The following SERGEF variants were observed in gnomAD, a reference collection of about 807,000 sequenced individuals.
The protein encoded by SERGEF is secretion-regulating guanine nucleotide exchange factor.
Under a neutral mutation model 50.0 loss-of-function variants are expected in SERGEF, and 51 were observed. That is an observed-to-expected ratio of 1.02 (90% CI 0.81 to 1.29). SERGEF has a LOEUF of 1.29. Among genes scored for constraint, SERGEF ranks in the 50% most tolerant of loss-of-function variants. The pLI is 0.00. For missense variants in SERGEF, 521 were observed against 557.0 expected (o/e 0.94, Z 0.65); for synonymous variants, 205 against 212.4 (o/e 0.97, Z 0.30).
intron 8 of SERGEF, among the ~76,000 whole-genome samples, chr11:17,969,735 G>T (rs1030679061): frequency 6.6e-6 from 1 of 152,198 alleles, no homozygotes; most frequent in African/African-American, 2.4e-5. Flanking sequence ...ACAACAAGCT[G>T]TAAGTCCTTG....
At chr11:17,913,263 C>T (rs1851987149) in intron 9 of SERGEF, among the ~76,000 whole-genome samples, 1 of 152,202 alleles carries the variant, frequency 6.6e-6, no homozygotes, top group African/African-American at 2.4e-5. Context: ...TTTCTTCCAG[C>T]CCCACACACA....
At chr11:18,003,512 C>T (rs192624987) in intron 4 of SERGEF, among the ~76,000 whole-genome samples, 21 of 152,284 alleles carry the variant, frequency 1.4e-4, no homozygotes, top group Admixed American at 9.8e-4. Flanking sequence ...AGACTTAGTA[C>T]AAAATCAGTA....
intron 9 of SERGEF, among the ~76,000 whole-genome samples, chr11:17,909,245 C>T (rs908012902): frequency 1.3e-5 from 2 of 152,208 alleles, no homozygotes; most frequent in African/African-American, 4.8e-5. Flanking sequence ...TTTCACAGAA[C>T]TATTTAAAGA....
chr11:17,824,401 C>T (rs572608933), intron 10 of SERGEF, among the ~76,000 whole-genome samples: 7 of 152,152 alleles, frequency 4.6e-5, no homozygotes, highest in African/African-American at 1.7e-4. Context: ...AAGACAAAGG[C>T]CTATGTTAAG....
intron 8 of SERGEF, among the ~76,000 whole-genome samples, chr11:17,978,623 G>A (rs1439056682): frequency 6.6e-6 from 1 of 152,172 alleles, no homozygotes; most frequent in Non-Finnish European, 1.5e-5. Flanking sequence ...TTGTCCCCTG[G>A]ATCTCCATGG....
chr11:17,906,360 C>A (rs1310363455), intron 9 of SERGEF, among the ~76,000 whole-genome samples: 3 of 152,246 alleles, frequency 2.0e-5, no homozygotes, highest in African/African-American at 2.4e-5. Flanking sequence ...AAGTTTCGGT[C>A]TAAACCAGTC....
At chr11:17,842,164 CT>C (rs1850514564) in intron 10 of SERGEF, among the ~76,000 whole-genome samples, 1 of 151,986 alleles carries the variant, frequency 6.6e-6, no homozygotes. Flanking sequence ...ATCATAGTAT[CT>C]CCAGCTTTTA....
intron 9 of SERGEF, among the ~76,000 whole-genome samples, chr11:17,882,418 CAAAAAAA>C (rs770460948): frequency 1.5e-5 from 1 of 68,198 alleles, no homozygotes; most frequent in African/African-American, 5.3e-5. Context: ...GAGTCAGTCT[CAAAAAAA>C]AAAAAAAAAA....
chr11:17,979,866 C>T (rs1853457279), intron 8 of SERGEF, among the ~76,000 whole-genome samples: 1 of 152,158 alleles, frequency 6.6e-6, no homozygotes, highest in Non-Finnish European at 1.5e-5. Flanking sequence ...TTGAAACCCC[C>T]AGGCAAATCA....
At chr11:18,011,862 C>T (rs1854203839) in intron 1 of SERGEF, among the ~76,000 whole-genome samples, 1 of 152,176 alleles carries the variant, frequency 6.6e-6, no homozygotes, top group South Asian at 2.1e-4. Flanking sequence ...CCGCAGGTCA[C>T]GCCATGCTCT....
intron 9 of SERGEF, among the ~76,000 whole-genome samples, chr11:17,936,573 G>T (rs1002927754): frequency 6.6e-6 from 1 of 151,902 alleles, no homozygotes; most frequent in Admixed American, 6.6e-5. Flanking sequence ...TTCTAATAAA[G>T]AAGGCTGGCC....
intron 2 of SERGEF, among the ~76,000 whole-genome samples, chr11:18,007,092 A>G (rs1292253305): frequency 6.6e-6 from 1 of 152,266 alleles, no homozygotes; most frequent in Non-Finnish European, 1.5e-5. Context: ...CTTTAGGCAC[A>G]GTGTCTAGGG....
intron 7 of SERGEF, among the ~76,000 whole-genome samples, chr11:17,990,212 C>T (rs1853685184): frequency 6.6e-6 from 1 of 152,166 alleles, no homozygotes; most frequent in Non-Finnish European, 1.5e-5. Context: ...TCAGAAGTCT[C>T]CAGTTCAAGT....
chr11:17,934,419 T>C (rs1441612860), intron 9 of SERGEF, among the ~76,000 whole-genome samples: 1 of 152,208 alleles, frequency 6.6e-6, no homozygotes, highest in Non-Finnish European at 1.5e-5. Flanking sequence ...TCAATCTAGT[T>C]ATTCATTCAG....
chr11:17,928,089 C>G (rs755278274), intron 9 of SERGEF, among the ~76,000 whole-genome samples: 1 of 152,202 alleles, frequency 6.6e-6, no homozygotes, highest in East Asian at 1.9e-4. Context: ...TAATTATGCA[C>G]GGAAGTCTAA....
chr11:17,849,487 A>C, intron 10 of SERGEF, among the ~76,000 whole-genome samples: 2 of 152,016 alleles, frequency 1.3e-5, no homozygotes, highest in East Asian at 1.9e-4. Flanking sequence ...AACCCCCCCA[A>C]CCCCACCCTT....
At chr11:17,802,211 C>A (rs1235850190) in intron 10 of SERGEF, among the ~76,000 whole-genome samples, 1 of 152,216 alleles carries the variant, frequency 6.6e-6, no homozygotes, top group African/African-American at 2.4e-5. Context: ...GCCAGACTCT[C>A]TTTGGGACAT....
intron 10 of SERGEF, among the ~76,000 whole-genome samples, chr11:17,859,957 C>A (rs542224371): frequency 1.3e-5 from 2 of 152,202 alleles, no homozygotes; most frequent in South Asian, 2.1e-4. Context: ...CAAAATGAGA[C>A]TAATCTAAAG....
chr11:17,875,537 A>C (rs776401308), intron 10 of SERGEF, among the ~76,000 whole-genome samples: 22 of 152,220 alleles, frequency 1.4e-4, no homozygotes, highest in Non-Finnish European at 2.9e-4. Context: ...ATTCGCTTCT[A>C]TGTGCGCTGG....
Sources: gnomAD v4.1 joint callset for allele counts (sites outside exome capture counted in the v4.1 genomes callset) on GRCh38, gnomAD v4.1.1 for gene constraint, MANE v1.5 for transcripts, NCBI Gene and HGNC (gene_info 2026-07-23, HGNC 2026-07-21) for gene names.